LARGE1: variants seen among roughly 807,000 people sequenced by gnomAD.
The protein encoded by LARGE1 is LARGE xylosyl- and glucuronyltransferase 1.
In LARGE1, 43 loss-of-function variants were observed where a neutral mutation model predicts 87.6. The ratio of observed to expected loss-of-function variants is 0.49; its 90% confidence interval spans 0.38 to 0.63. LARGE1 has a LOEUF of 0.63. LARGE1 is among the 30% of genes least tolerant of loss of function. The pLI is 0.00. For missense variants in LARGE1, 802 were observed against 1,000.2 expected, an observed-to-expected ratio of 0.80 and a Z score of 2.67; for synonymous variants, 434 against 394.6, an observed-to-expected ratio of 1.10 and a Z score of -1.18.
intron 6 of LARGE1, among the ~76,000 whole-genome samples, chr22:33,519,679 G>C (rs369058523): frequency 6.6e-6 from 1 of 152,030 alleles, no homozygotes; most frequent in South Asian, 2.1e-4. Context: ...CTTCTTAAAA[G>C]CAAGTCTGTC....
chr22:33,246,574 A>AGGT (rs1254371927), intron 11 of LARGE1, among the ~76,000 whole-genome samples: 2 of 152,268 alleles, frequency 1.3e-5, no homozygotes, highest in East Asian at 3.9e-4. Flanking sequence ...TGAACCCAAG[A>AGGT]GGTGGAGGTT....
chr22:33,558,499 G>A (rs2077760910), intron 6 of LARGE1, among the ~76,000 whole-genome samples: 1 of 152,182 alleles, frequency 6.6e-6, no homozygotes, highest in Non-Finnish European at 1.5e-5. Flanking sequence ...ACTGTGAGCA[G>A]ATATCAGTAT....
chr22:33,460,796 A>C (rs561956129), intron 6 of LARGE1, among the ~76,000 whole-genome samples: 1 of 152,322 alleles, frequency 6.6e-6, no homozygotes, highest in South Asian at 2.1e-4. Flanking sequence ...TTGATGGGTA[A>C]AGAAGTAAGG....
chr22:33,867,475 G>A lies in LARGE1; in HGVS notation c.-83+52520C>T, dbSNP rs555794359. On this transcript the variant is annotated intron_variant, in intron 1 of 14. Coordinates refer to ENST00000397394, the MANE Select transcript of LARGE1 (RefSeq NM_133642.5). ...CCACTGCCCAGAAAACCCCTCCCCA[G>A]CCCTCGGACTCACCTGCCGGCCTGA... is the stretch of plus-strand genomic sequence containing the variant. Among the ~76,000 whole-genome samples, 10 of 152,266 alleles carry A rather than the reference G, an allele frequency of 6.6e-5. No homozygotes were observed. In the South Asian group the frequency reaches 1.7e-3, roughly 25 times the overall value.
intron 9 of LARGE1, among the ~76,000 whole-genome samples, chr22:33,371,174 A>T (rs114021399): frequency 6.6e-6 from 1 of 151,724 alleles, no homozygotes; most frequent in Non-Finnish European, 1.5e-5. Flanking sequence ...CCAAAAAAAA[A>T]ACTCCTAAGA....
intron 6 of LARGE1, among the ~76,000 whole-genome samples, chr22:33,559,924 C>T (rs1187693381): frequency 6.6e-6 from 1 of 152,100 alleles, no homozygotes; most frequent in African/African-American, 2.4e-5. Context: ...CGCCTTGGGC[C>T]CGCCCTCTAC....
chr22:33,901,061 G>C (rs2065269727), intron 1 of LARGE1, among the ~76,000 whole-genome samples: 1 of 152,022 alleles, frequency 6.6e-6, no homozygotes, highest in Non-Finnish European at 1.5e-5. Context: ...AAAAAAGGGA[G>C]GGGGGGTTGT....
intron 11 of LARGE1, among the ~76,000 whole-genome samples, chr22:33,199,544 A>G (rs1924263984): frequency 6.6e-6 from 1 of 152,126 alleles, no homozygotes; most frequent in Admixed American, 6.6e-5. Flanking sequence ...ATATGGTGAG[A>G]GTTATGAGTC....
chr22:33,865,090 G>A (rs2064046997), intron 1 of LARGE1, among the ~76,000 whole-genome samples: 1 of 152,188 alleles, frequency 6.6e-6, no homozygotes, highest in Non-Finnish European at 1.5e-5. Flanking sequence ...GACTTCTACT[G>A]TGGAACAGAA....
chr22:33,267,627 C>T (rs1393885392), downstream of LARGE1, among the ~76,000 whole-genome samples: 1 of 151,154 alleles, frequency 6.6e-6, no homozygotes, highest in Non-Finnish European at 1.5e-5. Context: ...TACCCAGGGA[C>T]CACCAAGAAA....
chr22:33,579,321 T>C (rs1019000864), intron 5 of LARGE1, among the ~76,000 whole-genome samples: 1 of 152,222 alleles, frequency 6.6e-6, no homozygotes, highest in Non-Finnish European at 1.5e-5. Flanking sequence ...TTGCTCCTCC[T>C]TGCCTTCCAC....
downstream of LARGE1, among the ~76,000 whole-genome samples, chr22:33,161,242 C>T (rs1569443389): frequency 6.6e-6 from 1 of 152,160 alleles, no homozygotes; most frequent in Non-Finnish European, 1.5e-5. Flanking sequence ...CCACCAGGTC[C>T]CTCCCACGAC....
chr22:33,370,182 G>C (rs2064755803), intron 9 of LARGE1, among the ~76,000 whole-genome samples: 1 of 152,012 alleles, frequency 6.6e-6, no homozygotes, highest in Non-Finnish European at 1.5e-5. Flanking sequence ...GTAATATAAG[G>C]TATCTCTTTC....
chr22:33,600,398 T>C (rs1602650010), intron 5 of LARGE1, among the ~76,000 whole-genome samples: 1 of 152,150 alleles, frequency 6.6e-6, no homozygotes, highest in Non-Finnish European at 1.5e-5. Flanking sequence ...GTATAGGAGA[T>C]AGACATCTAT....
At chr22:33,857,278 A>G (rs1284626308) in intron 1 of LARGE1, among the ~76,000 whole-genome samples, 1 of 152,196 alleles carries the variant, frequency 6.6e-6, no homozygotes, top group African/African-American at 2.4e-5. Flanking sequence ...CTTTTATTCT[A>G]AGCTGGAAGC....
intron 6 of LARGE1, among the ~76,000 whole-genome samples, chr22:33,546,117 T>C (rs1325204099): frequency 6.6e-6 from 1 of 152,140 alleles, no homozygotes; most frequent in Non-Finnish European, 1.5e-5. Flanking sequence ...GTCAGTGGAT[T>C]TTCAGTGCCT....
chr22:33,834,092 C>A (rs534271563), intron 1 of LARGE1, among the ~76,000 whole-genome samples: 6 of 152,142 alleles, frequency 3.9e-5, no homozygotes, highest in Non-Finnish European at 8.8e-5. Context: ...GGTAATAAAG[C>A]CTGACTCCTT....
At chr22:33,433,270 T>C (rs2067146078) in intron 6 of LARGE1, among the ~76,000 whole-genome samples, 2 of 152,130 alleles carry the variant, frequency 1.3e-5, no homozygotes, top group Admixed American at 1.3e-4. Flanking sequence ...ACAAATATTT[T>C]AGGCAGGAAT....
intron 4 of LARGE1, among the ~76,000 whole-genome samples, chr22:33,611,365 G>A (rs1005394949): frequency 6.6e-6 from 1 of 152,246 alleles, no homozygotes; most frequent in Non-Finnish European, 1.5e-5. Flanking sequence ...CCTGCCCATT[G>A]CACCAGTGTG....
Sources: gnomAD v4.1 joint callset for allele counts (sites outside exome capture counted in the v4.1 genomes callset) on GRCh38, gnomAD v4.1.1 for gene constraint, MANE v1.5 for transcripts, NCBI Gene and HGNC (gene_info 2026-07-23, HGNC 2026-07-21) for gene names.